The following IPCEF1 variants were observed in gnomAD, a reference collection of about 807,000 sequenced individuals.
IPCEF1 encodes interactor protein for cytohesin exchange factors 1.
IPCEF1 carries 31 observed loss-of-function variants against 50.9 expected under a neutral mutation model. The ratio of observed to expected loss-of-function variants is 0.61; its 90% CI spans 0.46 to 0.82. IPCEF1 has a LOEUF of 0.82. Among genes scored for constraint, IPCEF1 ranks in the 40% least tolerant of loss-of-function variants. IPCEF1 has a pLI of 0.00. For synonymous variants in IPCEF1, 181 were observed against 192.0 expected (o/e 0.94, Z 0.47); for missense variants, 458 against 514.0 (o/e 0.89, Z 1.05).
At chr6:154,214,627 C>T (rs1458079905) in intron 7 of IPCEF1, among the ~76,000 whole-genome samples, 1 of 152,004 alleles carries the variant, frequency 6.6e-6, no homozygotes, top group Non-Finnish European at 1.5e-5. Context: ...AGTAACTTGG[C>T]TATTAAAGTT....
intron 3 of IPCEF1, among the ~76,000 whole-genome samples, chr6:154,252,323 G>A (rs1406587965): frequency 3.9e-5 from 6 of 152,134 alleles, no homozygotes; most frequent in Non-Finnish European, 4.4e-5. Context: ...GCAGAGGGAG[G>A]AATACAAGAG....
chr6:154,236,199 G>A (rs1199953562), intron 5 of IPCEF1, among the ~76,000 whole-genome samples: 2 of 152,152 alleles, frequency 1.3e-5, no homozygotes, highest in Non-Finnish European at 2.9e-5. Flanking sequence ...ACATCAAGGG[G>A]ATAAGATTCA....
At chr6:154,174,001 G>C (rs1032421318) in intron 10 of IPCEF1, among the ~76,000 whole-genome samples, 3 of 152,174 alleles carry the variant, frequency 2.0e-5, no homozygotes, top group African/African-American at 7.2e-5. Context: ...AGCCAGAAGA[G>C]AGTGGGGGCC....
At chr6:154,324,797 G>A (rs1783479839) in intron 1 of IPCEF1, among the ~76,000 whole-genome samples, 1 of 152,086 alleles carries the variant, frequency 6.6e-6, no homozygotes, top group African/African-American at 2.4e-5. Context: ...GACAGAGAGA[G>A]ATTCTGTCTC....
intron 9 of IPCEF1, among the ~76,000 whole-genome samples, chr6:154,204,237 G>A (rs1419794965): frequency 1.3e-5 from 2 of 151,996 alleles, no homozygotes; most frequent in African/African-American, 4.8e-5. Flanking sequence ...CCTTTTCTTG[G>A]AATTGTTTTT....
intron 1 of IPCEF1, among the ~76,000 whole-genome samples, chr6:154,343,762 C>A (rs1247576363): frequency 6.6e-6 from 1 of 152,188 alleles, no homozygotes; most frequent in Non-Finnish European, 1.5e-5. Context: ...CCTTTTAAAG[C>A]AGCTCCAGAA....
At chr6:154,180,369 T>C (rs1468461216) in intron 10 of IPCEF1, among the ~76,000 whole-genome samples, 2 of 148,186 alleles carry the variant, frequency 1.3e-5, no homozygotes, top group African/African-American at 2.5e-5. Flanking sequence ...TATACTGAGC[T>C]AGTTTAACAA....
intron 1 of IPCEF1, among the ~76,000 whole-genome samples, chr6:154,346,970 T>C (rs138404928): frequency 0.025 from 3,883 of 152,302 alleles, 80 homozygotes; most frequent in Middle Eastern, 0.054. Flanking sequence ...TCAATCTATA[T>C]TATTAGAAAC....
chr6:154,342,848 T>C (rs2499647), intron 1 of IPCEF1, among the ~76,000 whole-genome samples: 122,140 of 152,194 alleles, frequency 0.8, 49,328 homozygotes, highest in East Asian at 1. Flanking sequence ...TATGGTGGCT[T>C]ATGCCTGTAA....
chr6:154,345,142 T>C (rs983747685), intron 1 of IPCEF1, among the ~76,000 whole-genome samples: 1 of 152,264 alleles, frequency 6.6e-6, no homozygotes, highest in African/African-American at 2.4e-5. Context: ...AGTGCTGGGA[T>C]TACAGGCATG....
intron 1 of IPCEF1, among the ~76,000 whole-genome samples, chr6:154,305,164 T>TG (rs5881076): frequency 0.29 from 43,365 of 151,258 alleles, 9,417 homozygotes; most frequent in African/African-American, 0.6. Flanking sequence ...GTGAGAAGAC[T>TG]GTGCCTCCTT....
chr6:154,164,002 A>G (rs1799231285), intron 11 of IPCEF1, among the ~76,000 whole-genome samples: 1 of 152,226 alleles, frequency 6.6e-6, no homozygotes, highest in Non-Finnish European at 1.5e-5. Flanking sequence ...AGTTTTCAAT[A>G]TCTATGCTTC....
At chr6:154,277,917 C>T (rs1782104905) in intron 2 of IPCEF1, among the ~76,000 whole-genome samples, 1 of 152,060 alleles carries the variant, frequency 6.6e-6, no homozygotes, top group South Asian at 2.1e-4. Context: ...TCCACCCACT[C>T]TCATCTTTAC....
chr6:154,270,202 G>C (rs980380002), intron 2 of IPCEF1, among the ~76,000 whole-genome samples: 6 of 152,164 alleles, frequency 3.9e-5, no homozygotes, highest in African/African-American at 1.4e-4. Context: ...ATATCAAGAG[G>C]TTTCCAGTTC....
chr6:154,191,326 A>G (rs1017366716), intron 10 of IPCEF1, among the ~76,000 whole-genome samples: 1 of 152,214 alleles, frequency 6.6e-6, no homozygotes, highest in Non-Finnish European at 1.5e-5. Flanking sequence ...TAGTGGATAC[A>G]TGACGTTATA....
intron 1 of IPCEF1, among the ~76,000 whole-genome samples, chr6:154,298,331 A>G (rs1244670012): frequency 6.6e-6 from 1 of 152,168 alleles, no homozygotes; most frequent in African/African-American, 2.4e-5. Context: ...TTTCAGATAC[A>G]CCCCATTTTG....
At chr6:154,170,003 G>A (rs12208947) in intron 10 of IPCEF1, among the ~76,000 whole-genome samples, 23,166 of 152,122 alleles carry the variant, frequency 0.15, 2,051 homozygotes, top group East Asian at 0.41. Flanking sequence ...TGATGATACC[G>A]TTGGAGCCCT....
intron 3 of IPCEF1, among the ~76,000 whole-genome samples, chr6:154,253,730 A>AC (rs1355509860): frequency 1.3e-5 from 2 of 152,140 alleles, no homozygotes; most frequent in East Asian, 3.9e-4. Flanking sequence ...CTACTTACAG[A>AC]CCCTCCTGCA....
At chr6:154,170,436 C>T (rs1306690011) in intron 10 of IPCEF1, among the ~76,000 whole-genome samples, 2 of 152,156 alleles carry the variant, frequency 1.3e-5, no homozygotes, top group African/African-American at 4.8e-5. Context: ...CGATTAGAAA[C>T]CTTTATGCAA....
Sources: allele counts gnomAD v4.1 joint callset (sites outside exome capture counted in the v4.1 genomes callset), GRCh38; gene constraint gnomAD v4.1.1; transcripts MANE v1.5; gene names NCBI Gene and HGNC (gene_info 2026-07-23, HGNC 2026-07-21).